SUGT1: variants seen among roughly 807,000 people sequenced by gnomAD.
The protein encoded by SUGT1 is SGT1 assembly cochaperone of MIS12 kinetochore complex.
In SUGT1, 15 loss-of-function variants were observed where a neutral mutation model predicts 56.1. The ratio of observed to expected loss-of-function variants is 0.27; its 90% confidence interval spans 0.18 to 0.41. The LOEUF is 0.41. SUGT1 is among the 10% of genes least tolerant of loss of function. The pLI, the probability that SUGT1 is intolerant of heterozygous loss-of-function variation, is 1.00. For synonymous variants in SUGT1, 123 were observed against 128.6 expected, an observed-to-expected ratio of 0.96 and a Z score of 0.30; for missense variants, 347 against 382.2, an observed-to-expected ratio of 0.91 and a Z score of 0.77.
chr13:52,677,924 T>C (rs1310052566), intron 11 of SUGT1, among the ~76,000 whole-genome samples: 2 of 152,138 alleles, frequency 1.3e-5, no homozygotes, highest in African/African-American at 4.8e-5. Flanking sequence ...AGTTACCATG[T>C]TTTTTCTAAA....
intron 12 of SUGT1, among the ~76,000 whole-genome samples, chr13:52,680,735 A>G (rs1480888830): frequency 6.6e-6 from 1 of 152,240 alleles, no homozygotes; most frequent in East Asian, 1.9e-4. Flanking sequence ...ACATATTTAC[A>G]GTAGAAAGTT....
At position 52,660,413 on chromosome 13, in the gene SUGT1, T is replaced by C. The variant is rs145657333; in HGVS notation, c.328+1164T>C. Among the ~76,000 whole-genome samples, 422 of 152,308 alleles carry C rather than the reference T, an allele frequency of 2.8e-3. 3 individuals carry two copies. Among genetic ancestry groups the C allele is most frequent in the African/African-American group, 9.6e-3 (399 of 41,566 alleles). On this transcript the variant is annotated intron_variant, in intron 5 of 12. Coordinates refer to ENST00000310528, the MANE Select transcript of SUGT1 (RefSeq NM_006704.5). The stretch of plus-strand genomic sequence containing the variant: ...AGGGGTGCTACTAAATATTCTATAA[T>C]GCCCAGGACAGTTCTGCCTAACAAA...
intron 12 of SUGT1, among the ~76,000 whole-genome samples, chr13:52,684,256 T>G (rs138943398): frequency 1.6e-3 from 246 of 152,242 alleles, no homozygotes; most frequent in African/African-American, 5.7e-3. Context: ...ATCATTCTTA[T>G]AATAGTAATT....
chr13:52,653,396 T>A (rs1179928215), intron 2 of SUGT1, among the ~76,000 whole-genome samples: 6 of 145,454 alleles, frequency 4.1e-5, no homozygotes, highest in Admixed American at 6.9e-5. Context: ...ATTTTTTTTT[T>A]AATGACATTT....
chr13:52,672,683 A>G (rs1380476953), intron 10 of SUGT1, among the ~76,000 whole-genome samples: 2 of 152,192 alleles, frequency 1.3e-5, no homozygotes, highest in Non-Finnish European at 2.9e-5. Flanking sequence ...TTGCCAATAA[A>G]TTGCCCCAGC....
rs763594868 is a variant in SUGT1, at chr13:52,676,330, C to T, written c.718+10C>T. On this transcript the variant is annotated intron_variant, in intron 11 of 12. Transcript: ENST00000310528. ...AAACAATTCGTAGCAGGTTTGTTTTCTGGCCTTGATGAGCTTTATATTCAT... is the reference window on the plus strand; with the variant it reads ...AAACAATTCGTAGCAGGTTTGTTTTTTGGCCTTGATGAGCTTTATATTCAT... 1.2e-6 allele frequency: 2 copies of T among 1,607,304 alleles called. No individual in the cohort carries two copies. Among genetic ancestry groups the T allele is most frequent in the African/African-American group, 2.7e-5 (2 of 74,582 alleles).
At chr13:52,671,794 G>A (rs1254325765) in intron 10 of SUGT1, among the ~76,000 whole-genome samples, 1 of 152,048 alleles carries the variant, frequency 6.6e-6, no homozygotes, top group Admixed American at 6.6e-5. Flanking sequence ...GCTTGCTTAT[G>A]GTCATATATC....
chr13:52,700,572 AAGG>A lies in SUGT1; in HGVS notation c.*12740_*12742del, dbSNP rs1964053178. ...GTGTATTTGTACAAAAGCCCTTCAA[AAGG>A]AGTTCAGCTTTTATAAACACCAAAA... is the stretch of plus-strand genomic sequence containing the variant. On this transcript the variant is annotated 3_prime_UTR_variant, in exon 13 of 13. Transcript: ENST00000310528. The A allele has an allele frequency of 6.6e-5, 10 of 152,082 alleles. No individual in the cohort carries two copies. Among genetic ancestry groups the A allele is most frequent in the Admixed American group, 6.6e-4 (10 of 15,262 alleles). 9.4% of individuals were successfully genotyped at this position (152,082 alleles called of 1,614,324 possible).
At chr13:52,664,418 C>G (rs766225506) in intron 8 of SUGT1, among the ~76,000 whole-genome samples, 10 of 152,080 alleles carry the variant, frequency 6.6e-5, no homozygotes, top group African/African-American at 1.4e-4. Flanking sequence ...ATATTTGGAG[C>G]AAATTTTTCA....
At chr13:52,687,440 C>G (rs770439954) in intron 12 of SUGT1, 6 of 182,136 alleles carry the variant, frequency 3.3e-5, no homozygotes, top group Non-Finnish European at 5.7e-5. Flanking sequence ...CACATCTATG[C>G]TCATTAGCAA....
At chr13:52,687,068 CAAAAAAAAAAAAAAA>C (rs57702146) in intron 12 of SUGT1, 2 of 64,850 alleles carry the variant, frequency 3.1e-5, no homozygotes, top group Non-Finnish European at 5.4e-5. Flanking sequence ...AACTCCGTCT[CAAAAAAAAAAAAAAA>C]AAAAAAAAAG....
At position 52,662,723 on chromosome 13, in the gene SUGT1, ATTTG is replaced by A. The variant is rs201916808; in HGVS notation, c.382+25_382+28del. ...GAATGGTATGTGGGTCTCCCTTGGT[ATTTG>A]TTTCAATTTAAAAAGAAGTAAACAT... On this transcript the variant is annotated intron_variant, in intron 6 of 12. Transcript: ENST00000310528. 4,480 of 1,601,740 alleles carry A rather than the reference ATTTG, an allele frequency of 2.8e-3. 119 individuals carry two copies. The African/African-American group carries it at 0.053, about 19-fold the overall frequency.
intron 5 of SUGT1, among the ~76,000 whole-genome samples, chr13:52,660,749 G>A (rs948460430): frequency 6.6e-6 from 1 of 152,140 alleles, no homozygotes; most frequent in Non-Finnish European, 1.5e-5. Context: ...TAGTGCCTTG[G>A]TACCTAATGT....
In SUGT1 at chr13:52,694,380, C is replaced by T. The variant is rs1963863963; in HGVS notation, c.*6545C>T. The T allele has an allele frequency of 6.6e-6, 1 of 152,164 alleles. No homozygotes were observed. Among genetic ancestry groups the T allele is most frequent in the Non-Finnish European group, 1.5e-5 (1 of 68,022 alleles). The allele number at this position is 152,164 out of a possible 1,614,324, so 9.4% of individuals were successfully genotyped here. A position where few individuals can be genotyped will look rare whatever the true frequency, so the allele number is the denominator to read the frequency against. On this transcript the variant is annotated 3_prime_UTR_variant, in exon 13 of 13. Transcript: ENST00000310528. Reference sequence around the variant, plus strand: ...GTTACTGTAATTTATAAAATTTGTACTTTGGAGAGCATAAGAATTCATGAA... The same window carrying T: ...GTTACTGTAATTTATAAAATTTGTATTTTGGAGAGCATAAGAATTCATGAA...
intron 10 of SUGT1, 69 bp downstream of exon 10, chr13:52,666,988 C>A: frequency 9.6e-7 from 1 of 1,047,006 alleles, no homozygotes; most frequent in South Asian, 1.4e-5. Context: ...GAACTAATCA[C>A]CCATGTGTTT....
At chr13:52,664,266 T>C (rs1962586082) in intron 8 of SUGT1, among the ~76,000 whole-genome samples, 1 of 152,242 alleles carries the variant, frequency 6.6e-6, no homozygotes, top group Non-Finnish European at 1.5e-5. Flanking sequence ...TCATTTCTCA[T>C]CTTTAAAGTT....
chr13:52,660,205 C>G (rs559405685), intron 5 of SUGT1, among the ~76,000 whole-genome samples: 2 of 151,936 alleles, frequency 1.3e-5, no homozygotes, highest in East Asian at 3.9e-4. Flanking sequence ...CTACATAATC[C>G]TACTTGTATT....
chr13:52,681,041 T>C (rs1963351413), intron 12 of SUGT1, among the ~76,000 whole-genome samples: 1 of 152,082 alleles, frequency 6.6e-6, no homozygotes, highest in African/African-American at 2.4e-5. Context: ...TTGCGCCACG[T>C]TGCCCAGGCT....
rs1487665739 is a variant in SUGT1 at position 52,699,528 on chromosome 13, C to T, written c.*11693C>T. 6.6e-6 allele frequency: 1 copy of T among 152,162 alleles called. No individual in the cohort carries two copies. The highest frequency in any genetic ancestry group is 2.4e-5 in the African/African-American group (1 of 41,424). The allele number at this position is 152,162 out of a possible 1,614,324, so 9.4% of individuals were successfully genotyped here. A position where few individuals can be genotyped will look rare whatever the true frequency, so the allele number is the denominator to read the frequency against. On this transcript the variant is annotated 3_prime_UTR_variant, in exon 13 of 13. Coordinates refer to ENST00000310528, the MANE Select transcript of SUGT1 (RefSeq NM_006704.5). Reference sequence around the variant, plus strand: ...GCCGAGTAGAATTTGTGTTAGGGCACATCCCATGGAGATCTTTTTTACTGC... The same window carrying T: ...GCCGAGTAGAATTTGTGTTAGGGCATATCCCATGGAGATCTTTTTTACTGC...
Sources: gnomAD v4.1 joint callset for allele counts (sites outside exome capture counted in the v4.1 genomes callset) on GRCh38, gnomAD v4.1.1 for gene constraint, MANE v1.5 for transcripts, NCBI Gene and HGNC (gene_info 2026-07-23, HGNC 2026-07-21) for gene names.